MAPK8IP1: variants seen among roughly 807,000 people sequenced by gnomAD.
The protein encoded by MAPK8IP1 is C-Jun-amino-terminal kinase-interacting protein 1.
MAPK8IP1 carries 17 observed loss-of-function variants against 72.6 expected under a neutral mutation model. The observed-to-expected ratio is 0.23, with a 90% CI of 0.16 to 0.35. The LOEUF (loss-of-function observed/expected upper bound fraction) is 0.35. MAPK8IP1 is among the 10% of genes least tolerant of loss of function. The pLI is 1.00. For synonymous variants in MAPK8IP1, 401 were observed against 443.4 expected (o/e 0.90, Z 1.20); for missense variants, 789 against 1,009.7 (o/e 0.78, Z 2.96).
In MAPK8IP1 at chr11:45,902,103, C is replaced by G. The variant is rs960595781; in HGVS notation, c.604+42C>G. ...TTCCTTACCTGGACCTCCGCCTGCC[C>G]TGACTCAGTCCCCACTACAGAGAGC... On this transcript the variant is annotated intron_variant, in intron 4 of 11. Coordinates refer to ENST00000241014, the MANE Select transcript of MAPK8IP1 (RefSeq NM_005456.4). The surrounding 1 kb of genome is among the most constrained non-coding windows in gnomAD (Gnocchi z 9.3). 1 of 1,534,118 alleles carries G rather than the reference C, an allele frequency of 6.5e-7. No homozygotes were observed. The highest frequency in any genetic ancestry group is 9.0e-7 in the Non-Finnish European group (1 of 1,107,160).
Position 45,904,894 on chromosome 11 carries a change from T to TGATGAAGAG in MAPK8IP1, c.1893+62_1894-67dup. 1.9e-6 allele frequency: 3 copies of TGATGAAGAG among 1,605,682 alleles called. No individual in the cohort carries two copies. On this transcript the variant is annotated intron_variant, in intron 9 of 11. Coordinates refer to ENST00000241014, the MANE Select transcript of MAPK8IP1 (RefSeq NM_005456.4). The surrounding 1 kb of genome is among the most constrained non-coding windows in gnomAD (Gnocchi z 6.4). ...GCCCCAAGCTCTCCCCCAAGACTTG[T>TGATGAAGAG]GATGAAGAGGCCATCTCCTGTCACC...
At chr11:45,893,607 G>T (rs1271563026) in intron 1 of MAPK8IP1, among the ~76,000 whole-genome samples, 1 of 152,232 alleles carries the variant, frequency 6.6e-6, no homozygotes, top group Non-Finnish European at 1.5e-5. Context: ...GGTCTGATGG[G>T]TGGGCAGGGG....
intron 10 of MAPK8IP1, 49 bp downstream of exon 10, chr11:45,905,090 C>CT: frequency 6.2e-7 from 1 of 1,612,402 alleles, no homozygotes; most frequent in South Asian, 1.1e-5. Flanking sequence ...GGTCTGCAGC[C>CT]TTGAGGTGGG....
intron 1 of MAPK8IP1, among the ~76,000 whole-genome samples, chr11:45,888,108 C>T (rs919205415): frequency 3.9e-5 from 6 of 152,276 alleles, no homozygotes; most frequent in East Asian, 1.9e-4. Flanking sequence ...TGAGATAACA[C>T]GTGTTGAGTG....
rs771676815 is a variant in MAPK8IP1, at chr11:45,902,746, C to A, written c.979C>A (p.Pro327Thr). ...AYPSTAGRPH[P>T]SISEEEEGFD... ...CCCCTCCACGGCAGGGCGGCCGCAC[C>A]CCTCCATCAGTGAAGAGGAAGAGGG... The change falls in exon 5 of 12, where the codon CCC becomes ACC. Residue 327 changes from proline (P) to threonine (T), a missense_variant. Around this residue, in one of 4 missense-constraint regions of MAPK8IP1, gnomAD observed 377 missense variants for 411.7 expected, o/e 0.92. Transcript: ENST00000241014. The surrounding 1 kb of genome is among the most constrained non-coding windows in gnomAD (Gnocchi z 9.3). 4 of 1,604,742 alleles carry A rather than the reference C, an allele frequency of 2.5e-6. No homozygotes were observed. The East Asian group carries it at 8.9e-5, about 36-fold the overall frequency.
chr11:45,891,413 A>C (rs1242679333), intron 1 of MAPK8IP1, among the ~76,000 whole-genome samples: 1 of 152,152 alleles, frequency 6.6e-6, no homozygotes, highest in African/African-American at 2.4e-5. Flanking sequence ...TGCCTCTTTA[A>C]TAGGCACTGA....
At chr11:45,886,910 A>G (rs1430659636) in intron 1 of MAPK8IP1, among the ~76,000 whole-genome samples, 4 of 152,038 alleles carry the variant, frequency 2.6e-5, no homozygotes, top group African/African-American at 9.7e-5. Flanking sequence ...TCCTGGGAGC[A>G]AGGGGTCACT....
Position 45,905,772 on chromosome 11 carries a change from C to CAGCT in MAPK8IP1, c.*52_*55dup, listed in dbSNP as rs1489612124. The CAGCT allele has an allele frequency of 6.5e-7, 1 of 1,533,880 alleles. No individual in the cohort carries two copies. The highest frequency in any genetic ancestry group is 1.4e-5 in the African/African-American group (1 of 73,386). On this transcript the variant is annotated 3_prime_UTR_variant, in exon 12 of 12. Coordinates refer to ENST00000241014, the MANE Select transcript of MAPK8IP1 (RefSeq NM_005456.4). ...CCCAGCCCTCAGGCCAGTGCCAGGACAGCTGGCTGCTGACAGGATGTGGCA... is the reference window on the plus strand; with the variant it reads ...CCCAGCCCTCAGGCCAGTGCCAGGACAGCTAGCTGGCTGCTGACAGGATGTGGCA...
chr11:45,895,016 G>A (rs147602520), intron 1 of MAPK8IP1, among the ~76,000 whole-genome samples: 2 of 152,322 alleles, frequency 1.3e-5, no homozygotes, highest in Admixed American at 6.5e-5. Context: ...AGTCTGCCAC[G>A]TGCTCCCTCT....
chr11:45,898,031 T>C (rs2086621297), intron 1 of MAPK8IP1, 54 bp from the exon 2 acceptor site: 2 of 1,058,104 alleles, frequency 1.9e-6, no homozygotes, highest in Non-Finnish European at 3.0e-6. Flanking sequence ...AACAGGGAGA[T>C]GTGAGCAGGC....
Position 45,903,741 on chromosome 11 carries a change from G to A in MAPK8IP1, c.1494-248G>A, listed in dbSNP as rs746954515. 5.3e-5 allele frequency among the ~76,000 whole-genome samples: 8 copies of A among 152,232 alleles called. No homozygotes were observed. Among genetic ancestry groups the A allele is most frequent in the South Asian group, 2.1e-4 (1 of 4,826 alleles). ...GACCCTTCTCTAGACAAAAGCCTGCGCTTCCCACAGCCTCTCCATTTTAGA... is the reference window on the plus strand; with the variant it reads ...GACCCTTCTCTAGACAAAAGCCTGCACTTCCCACAGCCTCTCCATTTTAGA... On this transcript the variant is annotated intron_variant, in intron 6 of 11. Transcript: ENST00000241014. This position sits in a 1 kb window ranked among gnomAD's most constrained non-coding sequence, Gnocchi z 6.4.
At position 45,902,374 on chromosome 11, in the gene MAPK8IP1, G is replaced by A; in HGVS notation, c.607G>A (p.Glu203Lys). The A allele has an allele frequency of 6.4e-7, 1 of 1,562,538 alleles. No homozygotes were observed. The highest frequency in any genetic ancestry group is 8.7e-7 in the Non-Finnish European group (1 of 1,153,838). The change falls in exon 5 of 12, where the codon GAG (glutamate) becomes AAG (lysine). Residue 203 changes from glutamate to lysine, a missense_variant and splice_region_variant. Glu to Lys is a moderately conservative substitution (Grantham distance 56, BLOSUM62 1). Around this residue, in one of 4 missense-constraint regions of MAPK8IP1, gnomAD observed 377 missense variants for 411.7 expected, o/e 0.92. Transcript: ENST00000241014. This position sits in a 1 kb window ranked among gnomAD's most constrained non-coding sequence, Gnocchi z 9.3. ...TTCATGACCTGCCTGCTCTCCAGGGGAGCAGACACCACCGCATGAACACAT... is the reference window on the plus strand; with the variant it reads ...TTCATGACCTGCCTGCTCTCCAGGGAAGCAGACACCACCGCATGAACACAT... ...SRSSSPLKTG[E>K]QTPPHEHICL...
chr11:45,896,654 A>C, intron 1 of MAPK8IP1: 2 of 1,394,992 alleles, frequency 1.4e-6, no homozygotes, highest in Non-Finnish European at 9.3e-7. Context: ...TGCGCTGGGA[A>C]GAGCTGGGGC....
In MAPK8IP1 at chr11:45,898,088, C is replaced by G. The variant is rs1327442136; in HGVS notation, c.105C>G (p.Leu35=). 1 of 1,608,248 alleles carries G rather than the reference C, an allele frequency of 6.2e-7. No individual in the cohort carries two copies. Among genetic ancestry groups the G allele is most frequent in the East Asian group, 2.2e-5 (1 of 44,836 alleles). ...TTTGGCTTCCTGTCCCCACCAGGCT[C>G]ACCCATGACATCAGCCTGGAGGAGT... ...LHIASPPNFR[L]THDISLEEFE... The change falls in exon 2 of 12, where the codon CTC becomes CTG. Residue 35 remains leucine, a synonymous_variant. Coordinates refer to ENST00000241014, the MANE Select transcript of MAPK8IP1 (RefSeq NM_005456.4).
At chr11:45,897,126 T>C (rs563823053) in intron 1 of MAPK8IP1, among the ~76,000 whole-genome samples, 1 of 152,306 alleles carries the variant, frequency 6.6e-6, no homozygotes, top group East Asian at 1.9e-4. Flanking sequence ...TCCCTTGCTC[T>C]GTGCCTCAAT....
Position 45,906,338 on chromosome 11 carries a change from C to T in MAPK8IP1, c.*617C>T, listed in dbSNP as rs954601403. ...CCTGTGGCAGGCCTAGGACCTCAGG[C>T]GGGGAGGAGGAGCTGCCGCAAGGCC... On this transcript the variant is annotated 3_prime_UTR_variant, in exon 12 of 12. Transcript: ENST00000241014. The T allele has an allele frequency of 1.6e-4, 73 of 462,164 alleles. No homozygotes were observed. Among genetic ancestry groups the T allele is most frequent in the Middle Eastern group, 1.1e-3 (2 of 1,756 alleles). 28.6% of individuals were successfully genotyped at this position (462,164 alleles called of 1,614,324 possible). A position where few individuals can be genotyped will look rare whatever the true frequency, so the allele number is the denominator to read the frequency against.
chr11:45,896,341 T>C (rs1482458066), intron 1 of MAPK8IP1, among the ~76,000 whole-genome samples: 1 of 152,046 alleles, frequency 6.6e-6, no homozygotes, highest in African/African-American at 2.4e-5. Context: ...GCAAACCGAG[T>C]GTTCATTCTT....
intron 1 of MAPK8IP1, among the ~76,000 whole-genome samples, chr11:45,887,783 C>T (rs923612957): frequency 6.6e-6 from 1 of 152,206 alleles, no homozygotes; most frequent in African/African-American, 2.4e-5. Flanking sequence ...GGCCTGGCTG[C>T]GGAGACAAGG....
At chr11:45,901,400 G>A (rs973273178) in intron 3 of MAPK8IP1, among the ~76,000 whole-genome samples, 3 of 152,036 alleles carry the variant, frequency 2.0e-5, no homozygotes, top group Non-Finnish European at 4.4e-5. Context: ...GTGGTGGGGG[G>A]TGCAGGAAAA....
Sources: gnomAD v4.1 joint callset for allele counts (sites outside exome capture counted in the v4.1 genomes callset) on GRCh38, gnomAD v4.1.1 for gene constraint, gnomAD v4.1.1 regional missense constraint, Gnocchi (gnomAD v3.1) non-coding constraint, MANE v1.5 for transcripts, NCBI Gene and HGNC (gene_info 2026-07-23, HGNC 2026-07-21) for gene names.